The following ASB15 variants were observed in gnomAD, a reference collection of about 807,000 sequenced individuals.
ASB15 encodes the protein ankyrin repeat and SOCS box protein 15.
Under a neutral mutation model 58.0 loss-of-function variants are expected in ASB15, and 54 were observed. The ratio of observed to expected loss-of-function variants is 0.93; its 90% CI spans 0.75 to 1.17. The LOEUF (loss-of-function observed/expected upper bound fraction) is 1.17. ASB15 is among the 50% of genes most tolerant of loss of function. ASB15 has a pLI of 0.00. For missense variants in ASB15, 680 were observed against 707.4 expected (o/e 0.96, Z 0.44); for synonymous variants, 249 against 262.4 (o/e 0.95, Z 0.50).
chr7:123,604,740 T>C (rs1800056571), intron 2 of ASB15, among the ~76,000 whole-genome samples: 1 of 151,970 alleles, frequency 6.6e-6, no homozygotes, highest in South Asian at 2.1e-4. Flanking sequence ...ACTCTGAAAA[T>C]TGGTGATTCT....
chr7:123,572,141 T>C (rs1299562122), intron 1 of ASB15, among the ~76,000 whole-genome samples: 8 of 126,278 alleles, frequency 6.3e-5, no homozygotes, highest in Non-Finnish European at 1.3e-4. Context: ...CTTTTTTTTT[T>C]TTTTTTTTTT....
intron 3 of ASB15, among the ~76,000 whole-genome samples, chr7:123,609,259 C>T (rs1363637990): frequency 6.6e-6 from 1 of 152,110 alleles, no homozygotes; most frequent in Non-Finnish European, 1.5e-5. Flanking sequence ...CTTCGTATCA[C>T]TTCCTACTAG....
chr7:123,603,817 C>T lies in ASB15; in HGVS notation c.-244-215C>T, dbSNP rs574999545. ...AAAACAACGTGGGGAAAACATACGA[C>T]TTGTAGATCTTTGGGATACTGGGGT... On this transcript the variant is annotated intron_variant, in intron 1 of 11. Coordinates refer to ENST00000451215, the MANE Select transcript of ASB15 (RefSeq NM_001290258.2). Among the ~76,000 whole-genome samples, 19 of 152,270 alleles carry T rather than the reference C, an allele frequency of 1.2e-4. No individual in the cohort carries two copies. The East Asian group carries it at 3.5e-3, about 28-fold the overall frequency.
chr7:123,629,016 A>G lies in ASB15; in HGVS notation c.1022A>G (p.His341Arg). The change falls in exon 10 of 12, where the codon CAC (histidine) becomes CGC (arginine). Residue 341 changes from histidine (H) to arginine (R), a missense_variant. Transcript: ENST00000451215. The part of the protein sequence containing the change: ...GFDVNTLLAD[H>R]ISQSYDDERK... ...GATGTCAACACTCTACTTGCTGACC[A>G]CATTTCCCAGAGCTATGACGATGAG... 1 of 1,613,940 alleles carries G rather than the reference A, an allele frequency of 6.2e-7. No individual in the cohort carries two copies. Among genetic ancestry groups the G allele is most frequent in the South Asian group, 1.1e-5 (1 of 91,046 alleles).
At chr7:123,630,973 T>C (rs115377992) in intron 11 of ASB15, among the ~76,000 whole-genome samples, 177 of 152,224 alleles carry the variant, frequency 1.2e-3, no homozygotes, top group African/African-American at 4.1e-3. Flanking sequence ...AGCCCAGAAA[T>C]TGAGCTCTGG....
chr7:123,597,619 G>A (rs1337759515), upstream of ASB15, among the ~76,000 whole-genome samples: 1 of 152,024 alleles, frequency 6.6e-6, no homozygotes, highest in Non-Finnish European at 1.5e-5. Flanking sequence ...ATCACTTGAG[G>A]TCAGGAGTTC....
intron 2 of ASB15, among the ~76,000 whole-genome samples, chr7:123,604,436 G>A (rs1177172437): frequency 6.6e-6 from 1 of 151,914 alleles, no homozygotes; most frequent in South Asian, 2.1e-4. Context: ...ACAAAAATTA[G>A]CCCAGCATAG....
upstream of ASB15, among the ~76,000 whole-genome samples, chr7:123,597,187 T>A (rs1469649487): frequency 6.6e-6 from 1 of 152,198 alleles, no homozygotes; most frequent in Non-Finnish European, 1.5e-5. Flanking sequence ...GTCACCCTGC[T>A]CTGTTCTGCT....
At chr7:123,623,931 AAAAGAAAGAAAGAAAGAAAG>A (rs201240574) in intron 7 of ASB15, among the ~76,000 whole-genome samples, 6,027 of 103,224 alleles carry the variant, frequency 0.058, 239 homozygotes, top group South Asian at 0.084. Flanking sequence ...AGAAAGAAAG[AAAAGAAAGAAAGAAAGAAAG>A]AAAGAAAGAA....
At chr7:123,604,593 A>AC (rs398086133) in intron 2 of ASB15, among the ~76,000 whole-genome samples, 1 of 151,696 alleles carries the variant, frequency 6.6e-6, no homozygotes, top group Non-Finnish European at 1.5e-5. Context: ...AAAAAAAAAA[A>AC]ATGCTGGCTA....
chr7:123,629,477 A>G (rs1355857744), intron 10 of ASB15, 43 bp downstream of exon 10: 10 of 1,418,422 alleles, frequency 7.1e-6, no homozygotes, highest in Non-Finnish European at 9.6e-6. Context: ...TATCATCCTA[A>G]TTTAATACAT....
intron 1 of ASB15, among the ~76,000 whole-genome samples, chr7:123,577,317 G>A (rs573771373): frequency 7.2e-5 from 11 of 152,028 alleles, no homozygotes; most frequent in South Asian, 2.1e-4. Flanking sequence ...ATTCTTATTC[G>A]ATACTGAGAA....
intron 7 of ASB15, 48 bp from the exon 8 acceptor site, chr7:123,624,521 G>A (rs1801633532): frequency 6.5e-7 from 1 of 1,545,202 alleles, no homozygotes; most frequent in Non-Finnish European, 8.9e-7. Context: ...ACCACCTAAG[G>A]TATTTGTGTT....
At chr7:123,589,301 T>TTCA (rs140586752) in intron 1 of ASB15, among the ~76,000 whole-genome samples, 1 of 147,476 alleles carries the variant, frequency 6.8e-6, no homozygotes, top group East Asian at 2.0e-4. Context: ...CTTTCATCTC[T>TTCA]TTATTATTAT....
At position 123,639,039 on chromosome 7, in the gene ASB15, T is replaced by C. The variant is rs1367799490; in HGVS notation, c.*2058T>C. The C allele has an allele frequency of 6.6e-6, 1 of 152,146 alleles. No homozygotes were observed. Among genetic ancestry groups the C allele is most frequent in the African/African-American group, 2.4e-5 (1 of 41,450 alleles). The allele number at this position is 152,146 out of a possible 1,614,324, so 9.4% of individuals were successfully genotyped here. A position where few individuals can be genotyped will look rare whatever the true frequency, so the allele number is the denominator to read the frequency against. On this transcript the variant is annotated 3_prime_UTR_variant, in exon 12 of 12. Coordinates refer to ENST00000451215, the MANE Select transcript of ASB15 (RefSeq NM_001290258.2). ...ATCATGGTGAAATAATAGTTTTAAA[T>C]TTCTGAGTGAGTTATGTAATCTTGT...
At chr7:123,620,555 T>TA (rs1562933402) in intron 7 of ASB15, among the ~76,000 whole-genome samples, 8 of 6,136 alleles carry the variant, frequency 1.3e-3, no homozygotes, top group Non-Finnish European at 1.6e-3. Flanking sequence ...TATATATATA[T>TA]TTTTTTTTTT....
At chr7:123,568,984 T>C (rs73718421) in intron 1 of ASB15, among the ~76,000 whole-genome samples, 3,933 of 152,196 alleles carry the variant, frequency 0.026, 167 homozygotes, top group African/African-American at 0.089. Context: ...ACAGCTAAAA[T>C]AGAGAAAGGA....
chr7:123,570,184 G>A (rs918802215), intron 1 of ASB15, among the ~76,000 whole-genome samples: 2 of 151,740 alleles, frequency 1.3e-5, no homozygotes, highest in East Asian at 1.9e-4. Context: ...ACAGGCGCCC[G>A]CCACCATGCC....
intron 7 of ASB15, among the ~76,000 whole-genome samples, chr7:123,621,821 A>C (rs565436965): frequency 2.6e-5 from 4 of 151,986 alleles, no homozygotes; most frequent in African/African-American, 7.2e-5. Flanking sequence ...TTGCACTTGG[A>C]CTCCTTCTCT....
Sources: gnomAD v4.1 joint callset for allele counts (sites outside exome capture counted in the v4.1 genomes callset) on GRCh38, gnomAD v4.1.1 for gene constraint, MANE v1.5 for transcripts, NCBI Gene and HGNC (gene_info 2026-07-23, HGNC 2026-07-21) for gene names.